Variants in RYR2 observed in about 807,000 individuals in gnomAD.
RYR2 encodes the protein ryanodine receptor 2, also known as cardiac muscle ryanodine receptor-calcium release channel.
RYR2 carries 227 observed loss-of-function variants against 601.1 expected under a neutral mutation model. The observed-to-expected ratio is 0.38, with a 90% CI of 0.34 to 0.42. The LOEUF is 0.42. Ranked by LOEUF, RYR2 falls within the 10% of genes least tolerant of loss-of-function variation. The pLI is 1.00. For missense variants in RYR2, 4,646 were observed against 6,156.5 expected (o/e 0.75, Z 8.21); for synonymous variants, 2,223 against 2,175.1 (o/e 1.02, Z -0.61).
chr1:237,383,734 A>G lies in RYR2; in HGVS notation c.577-3547A>G, dbSNP rs537446672. On this transcript the variant is annotated intron_variant, in intron 8 of 104. Transcript: ENST00000366574. ...GTGAGCCACCGCGCCTGGCCCTTCAATCTACATGTTTAAATACAATATCCT... is the reference window on the plus strand; with the variant it reads ...GTGAGCCACCGCGCCTGGCCCTTCAGTCTACATGTTTAAATACAATATCCT... 1.4e-4 allele frequency among the ~76,000 whole-genome samples: 22 copies of G among 151,956 alleles called. 1 individual carries two copies. In the South Asian group the frequency reaches 4.6e-3, roughly 32 times the overall value.
At chr1:237,163,596 T>A (rs889351844) in intron 1 of RYR2, among the ~76,000 whole-genome samples, 2 of 152,152 alleles carry the variant, frequency 1.3e-5, no homozygotes, top group African/African-American at 4.8e-5. Context: ...TCTTATAAAG[T>A]GTTATTTACT....
At chr1:237,764,324 C>T (rs1693665788) in intron 84 of RYR2, among the ~76,000 whole-genome samples, 1 of 151,664 alleles carries the variant, frequency 6.6e-6, no homozygotes, top group Non-Finnish European at 1.5e-5. Context: ...TTACAGATCC[C>T]ACGAGTGAAG....
At chr1:237,722,600 A>G (rs1689836579) in intron 73 of RYR2, among the ~76,000 whole-genome samples, 1 of 151,650 alleles carries the variant, frequency 6.6e-6, no homozygotes, top group African/African-American at 2.4e-5. Flanking sequence ...CGCCTGGCTA[A>G]TTTTTTGTAT....
At chr1:237,821,238 C>G (rs1662463076) in intron 101 of RYR2, among the ~76,000 whole-genome samples, 1 of 152,114 alleles carries the variant, frequency 6.6e-6, no homozygotes, top group African/African-American at 2.4e-5. Flanking sequence ...TGGGAGATAC[C>G]TCCCAGTAGG....
chr1:237,354,349 G>GTT (rs1699117162), intron 3 of RYR2, among the ~76,000 whole-genome samples: 1 of 152,016 alleles, frequency 6.6e-6, no homozygotes, highest in Non-Finnish European at 1.5e-5. Context: ...GAGTGTGTGT[G>GTT]TGTGTGTGTG....
chr1:237,604,774 T>C (rs1037972179), intron 35 of RYR2, among the ~76,000 whole-genome samples: 2 of 152,010 alleles, frequency 1.3e-5, no homozygotes, highest in African/African-American at 4.8e-5. Context: ...CAAACTACCA[T>C]CAGAGAATAC....
At chr1:237,205,858 C>A (rs1681753284) in intron 1 of RYR2, among the ~76,000 whole-genome samples, 1 of 152,144 alleles carries the variant, frequency 6.6e-6, no homozygotes, top group East Asian at 1.9e-4. Context: ...TGGAGGAGGA[C>A]GCCTACTGTC....
chr1:237,043,850 T>C (rs1660229399), intron 1 of RYR2, among the ~76,000 whole-genome samples: 1 of 152,370 alleles, frequency 6.6e-6, no homozygotes, highest in African/African-American at 2.4e-5. Flanking sequence ...TATTAACTTT[T>C]AGGTGTGAAA....
In RYR2 at chr1:237,652,291, TTTA is replaced by T. The variant is rs1328342935; in HGVS notation, c.7824+796_7824+798del. Reference sequence around the variant, plus strand: ...AAAAATCACTGGTATTTTCTCTAACTTTATTATTCTGTTCAGGATCAAGTCTCA... The same window carrying T: ...AAAAATCACTGGTATTTTCTCTAACTTTATTCTGTTCAGGATCAAGTCTCA... On this transcript the variant is annotated intron_variant, in intron 51 of 104. Coordinates refer to ENST00000366574, the MANE Select transcript of RYR2 (RefSeq NM_001035.3). Among the ~76,000 whole-genome samples the T allele has an allele frequency of 2.0e-5, 3 of 152,330 alleles. No homozygotes were observed. The East Asian group carries it at 5.8e-4, about 29-fold the overall frequency.
chr1:237,604,134 A>G (rs1676832022), intron 35 of RYR2, among the ~76,000 whole-genome samples: 5 of 152,192 alleles, frequency 3.3e-5, no homozygotes, highest in Admixed American at 2.6e-4. Context: ...TCTCATCACC[A>G]CATCGCACTT....
At chr1:237,683,518 C>A (rs1249596679) in intron 62 of RYR2, among the ~76,000 whole-genome samples, 1 of 152,122 alleles carries the variant, frequency 6.6e-6, no homozygotes, top group Non-Finnish European at 1.5e-5. Context: ...CAAAGTTGAT[C>A]TTGAACAACT....
intron 100 of RYR2, among the ~76,000 whole-genome samples, chr1:237,811,420 T>C (rs813173): frequency 0.57 from 86,601 of 152,054 alleles, 25,554 homozygotes; most frequent in East Asian, 0.83. Context: ...GCCCATCCTT[T>C]CTCTCCTTTA....
intron 1 of RYR2, among the ~76,000 whole-genome samples, chr1:237,062,641 C>T (rs371141315): frequency 2.0e-5 from 3 of 151,900 alleles, no homozygotes; most frequent in East Asian, 1.9e-4. Context: ...TTCTATATGC[C>T]CAGTCATGTC....
At chr1:237,687,405 ACCTTCCCTTCCCCCTTCCC>A in intron 62 of RYR2, 31 bp from the exon 63 acceptor site, 3 of 552,582 alleles carry the variant, frequency 5.4e-6, no homozygotes, top group Non-Finnish European at 8.2e-6. Context: ...TGTCTTTTCT[ACCTTCCCTTCCCCCTTCCC>A]TTTTCTCTTT....
intron 48 of RYR2, among the ~76,000 whole-genome samples, chr1:237,647,095 C>T (rs573870866): frequency 8.5e-5 from 13 of 152,050 alleles, no homozygotes; most frequent in Non-Finnish European, 8.8e-5. Context: ...CTTTTTAATG[C>T]GATTTTTAGG....
intron 19 of RYR2, among the ~76,000 whole-genome samples, chr1:237,495,611 A>C (rs975558171): frequency 6.6e-6 from 1 of 152,162 alleles, no homozygotes; most frequent in African/African-American, 2.4e-5. Flanking sequence ...ACCTTCATTC[A>C]TTTCTACCTA....
chr1:237,610,424 G>C lies in RYR2; in HGVS notation c.4684-338G>C, dbSNP rs1433359337. Among the ~76,000 whole-genome samples, 1 of 152,158 alleles carries C rather than the reference G, an allele frequency of 6.6e-6. No homozygotes were observed. Among genetic ancestry groups the C allele is most frequent in the Non-Finnish European group, 1.5e-5 (1 of 68,030 alleles). The stretch of plus-strand genomic sequence containing the variant: ...TGGCACTGAAAGTCCCTAAAGACTT[G>C]CCAGCTTTCCCGGAGGTCCCAGCCT... On this transcript the variant is annotated intron_variant, in intron 35 of 104. Transcript: ENST00000366574. This position sits in a 1 kb window ranked among gnomAD's most constrained non-coding sequence, Gnocchi z 4.9.
At chr1:237,513,491 C>T (rs773223234) in intron 24 of RYR2, among the ~76,000 whole-genome samples, 3 of 152,116 alleles carry the variant, frequency 2.0e-5, no homozygotes, top group Admixed American at 6.5e-5. Context: ...AATTTGGACT[C>T]GGGTATATAG....
At chr1:237,114,829 G>A (rs906749892) in intron 1 of RYR2, among the ~76,000 whole-genome samples, 18 of 152,150 alleles carry the variant, frequency 1.2e-4, no homozygotes, top group Admixed American at 9.8e-4. Context: ...CTGTACAATG[G>A]GATGTGTGGT....
Sources: gnomAD v4.1 joint callset for allele counts (sites outside exome capture counted in the v4.1 genomes callset) on GRCh38, gnomAD v4.1.1 for gene constraint, Gnocchi (gnomAD v3.1) non-coding constraint, MANE v1.5 for transcripts, NCBI Gene and HGNC (gene_info 2026-07-23, HGNC 2026-07-21) for gene names.